The following CST3 variants were observed in gnomAD, a reference collection of about 807,000 sequenced individuals.
CST3 encodes the protein cystatin C.
In CST3, 14 loss-of-function variants were observed where a neutral mutation model predicts 9.0. The observed-to-expected ratio is 1.56, with a 90% CI of 1.03 to 2.44. CST3 has a LOEUF of 2.44. Among genes scored for constraint, CST3 ranks in the 30% most tolerant of loss-of-function variants. CST3 has a pLI of 0.00. For synonymous variants in CST3, 96 were observed against 90.2 expected, an observed-to-expected ratio of 1.06 and a Z score of -0.37; for missense variants, 237 against 204.3, an observed-to-expected ratio of 1.16 and a Z score of -0.98.
chr20:23,637,807 A>T lies in CST3; in HGVS notation c.56T>A (p.Leu19Gln), dbSNP rs113550984. The T allele has an allele frequency of 7.4e-7, 1 of 1,356,366 alleles. No individual in the cohort carries two copies. The highest frequency in any genetic ancestry group is 1.6e-5 in the African/African-American group (1 of 62,662). The allele number at this position is 1,356,366 out of a possible 1,614,324, so 84.0% of individuals were successfully genotyped here. A position where few individuals can be genotyped will look rare whatever the true frequency, so the allele number is the denominator to read the frequency against. ...GGAGCCGGCCGCGGGGCTCACGGCCAGGGCCACGGCCAGGATGGCCAGCAG... is the reference window on the plus strand; with the variant it reads ...GGAGCCGGCCGCGGGGCTCACGGCCTGGGCCACGGCCAGGATGGCCAGCAG... Reference protein sequence around the residue: ...LLLLAILAVALAVSPAAGSSP... With the variant: ...LLLLAILAVAQAVSPAAGSSP... Residue 19 changes from leucine (L) to glutamine (Q), a missense_variant, in exon 1 of 3, where the codon CTG becomes CAG. By Grantham distance (113) the Leu-to-Gln change is moderately radical. Transcript: ENST00000376925.
intron 2 of CST3, among the ~76,000 whole-genome samples, chr20:23,634,548 A>G (rs1979585138): frequency 6.6e-6 from 1 of 152,046 alleles, no homozygotes; most frequent in South Asian, 2.1e-4. Context: ...TTTGGCTGCT[A>G]ACAGGCCTCT....
At chr20:23,629,739 G>T (rs370600431), downstream of CST3, among the ~76,000 whole-genome samples, 1 of 97,920 alleles carries the variant, frequency 1.0e-5, no homozygotes, top group African/African-American at 3.9e-5. Context: ...ACTGGTGGGG[G>T]GGGGAGGGGG....
At chr20:23,635,464 G>A in intron 1 of CST3, 97 bp from the exon 2 acceptor site, 9 of 1,077,838 alleles carry the variant, frequency 8.4e-6, no homozygotes, top group Non-Finnish European at 1.3e-5. Context: ...GGGCTTGCCT[G>A]GGGCTTCAAG....
At position 23,633,716 on chromosome 20, in the gene CST3, GAGAAGCA is replaced by G; in HGVS notation, c.*193_*199del. ...TGTATGCACCGCACACCGGGGCTAT[GAGAAGCA>G]AGAAGGAAGGAGGGAGGGCAGAGCC... On this transcript the variant is annotated 3_prime_UTR_variant, in exon 3 of 3. Transcript: ENST00000376925. The G allele has an allele frequency of 1.5e-6, 1 of 667,274 alleles. No individual in the cohort carries two copies. The highest frequency in any genetic ancestry group is 2.7e-6 in the Non-Finnish European group (1 of 366,412). 41.3% of individuals were successfully genotyped at this position (667,274 alleles called of 1,614,324 possible).
chr20:23,637,870 T>C lies in CST3; in HGVS notation c.-8A>G, dbSNP rs1979764330. 2.9e-6 allele frequency: 4 copies of C among 1,377,348 alleles called. No individual in the cohort carries two copies. The African/African-American group carries it at 6.2e-5, about 21-fold the overall frequency. 85.3% of individuals were successfully genotyped at this position (1,377,348 alleles called of 1,614,324 possible). A position where few individuals can be genotyped will look rare whatever the true frequency, so the allele number is the denominator to read the frequency against. On this transcript the variant is annotated 5_prime_UTR_variant, in exon 1 of 3. Coordinates refer to ENST00000376925, the MANE Select transcript of CST3 (RefSeq NM_000099.4). ...GCGCAGGGGCCCGGCCATGGTCGGC[T>C]AGGACGCGGGACGCGGGGAGTGGGG...
intron 2 of CST3, among the ~76,000 whole-genome samples, chr20:23,634,788 T>A (rs1299789798): frequency 2.0e-5 from 3 of 152,062 alleles, no homozygotes; most frequent in African/African-American, 7.2e-5. Flanking sequence ...CCCGTCTACA[T>A]GCACACACAT....
At chr20:23,626,878 G>A (rs1163355620) in exon 4 of CST3, 1 of 152,196 alleles carries the variant, frequency 6.6e-6, no homozygotes, top group Non-Finnish European at 1.5e-5. Context: ...ACATTGGCTT[G>A]TAACTGGAGT....
At chr20:23,636,441 A>G (rs116496577) in intron 1 of CST3, among the ~76,000 whole-genome samples, 2,462 of 152,212 alleles carry the variant, frequency 0.016, 39 homozygotes, top group African/African-American at 0.039. Context: ...CAGCTGATAG[A>G]GGCAGGGTCA....
Position 23,637,626 on chromosome 20 carries a change from G to T in CST3, c.237C>A (p.Arg79=), listed in dbSNP as rs1429779251. The T allele has an allele frequency of 5.3e-6, 8 of 1,519,554 alleles. No individual in the cohort carries two copies. In the African/African-American group the frequency reaches 1.2e-4, roughly 22 times the overall value. The allele number at this position is 1,519,554 out of a possible 1,614,324, so 94.1% of individuals were successfully genotyped here. The change falls in exon 1 of 3, where the codon CGC becomes CGA. Residue 79 remains arginine (R), a synonymous_variant. Transcript: ENST00000376925. ...HSRALQVVRA[R]KQIVAGVNYF... The stretch of plus-strand genomic sequence containing the variant: ...TGCGGGGGGCGGCACGCACCTGCTT[G>T]CGGGCGCGCACCACCTGCAGCGCGC...
At position 23,633,693 on chromosome 20, in the gene CST3, T is replaced by C. The variant is rs1394885909; in HGVS notation, c.*223A>G. On this transcript the variant is annotated 3_prime_UTR_variant, in exon 3 of 3. Coordinates refer to ENST00000376925, the MANE Select transcript of CST3 (RefSeq NM_000099.4). ...TATTTTATTGCAGGAGGTGGGGGTG[T>C]ATGCACCGCACACCGGGGCTATGAG... is the stretch of plus-strand genomic sequence containing the variant. 3 of 637,626 alleles carry C rather than the reference T, an allele frequency of 4.7e-6. No individual in the cohort carries two copies. In the East Asian group the frequency reaches 8.2e-5, roughly 17 times the overall value. 39.5% of individuals were successfully genotyped at this position (637,626 alleles called of 1,614,324 possible).
At chr20:23,629,524 T>C (rs190607786), downstream of CST3, 1 of 152,314 alleles carries the variant, frequency 6.6e-6, no homozygotes, top group East Asian at 1.9e-4. Context: ...TGATCTCAAG[T>C]CCCTCACAAA....
chr20:23,632,876 G>A (rs1192968646), downstream of CST3, among the ~76,000 whole-genome samples: 1 of 152,194 alleles, frequency 6.6e-6, no homozygotes, highest in African/African-American at 2.4e-5. Flanking sequence ...GACATGAAGG[G>A]AATGTTCTCT....
downstream of CST3, chr20:23,629,260 A>C (rs1045176658): frequency 6.6e-6 from 1 of 152,214 alleles, no homozygotes; most frequent in Admixed American, 6.5e-5. Context: ...TGTTGTTGTA[A>C]GAAGGTGGGG....
Position 23,633,976 on chromosome 20 carries a change from GA to G in CST3, c.380del (p.Ile127ThrfsTer10). 6.2e-7 allele frequency: 1 copy of G among 1,614,096 alleles called. No individual in the cohort carries two copies. Among genetic ancestry groups the G allele is most frequent in the Non-Finnish European group, 8.5e-7 (1 of 1,179,970 alleles). On this transcript the variant is annotated frameshift_variant, in exon 3 of 3. Coordinates refer to ENST00000376925, the MANE Select transcript of CST3 (RefSeq NM_000099.4). LOFTEE classifies it low-confidence loss of function (END_TRUNC). ...LKRKAFCSFQIYAVPWQGTMT... is the reference protein window; with the variant it reads ...LKRKAFCSFQXYAVPWQGTMT... ...TTGTGCCCTGCCAAGGCACAGCGTA[GA>G]TCTGGAAAGAGCAGAATGCTTTCTG...
Position 23,637,820 on chromosome 20 carries a change from G to A in CST3, c.43C>T (p.Leu15=). Residue 15 remains leucine, a synonymous_variant, in exon 1 of 3, where the codon CTG becomes TTG. Transcript: ENST00000376925. ...LRAPLLLLAI[L]AVALAVSPAA... ...GGGCTCACGGCCAGGGCCACGGCCA[G>A]GATGGCCAGCAGGAGCAGCGGGGCG... 1 of 1,450,778 alleles carries A rather than the reference G, an allele frequency of 6.9e-7. No homozygotes were observed. The highest frequency in any genetic ancestry group is 1.3e-5 in the South Asian group (1 of 77,320). The allele number at this position is 1,450,778 out of a possible 1,614,324, so 89.9% of individuals were successfully genotyped here.
At chr20:23,636,303 C>A (rs1411390146) in intron 1 of CST3, among the ~76,000 whole-genome samples, 1 of 152,228 alleles carries the variant, frequency 6.6e-6, no homozygotes, top group East Asian at 1.9e-4. Flanking sequence ...GTCTGTGTCA[C>A]TGTTCGCTGC....
chr20:23,628,056 T>A (rs1267895895), exon 4 of CST3: 3 of 152,006 alleles, frequency 2.0e-5, no homozygotes, highest in Admixed American at 2.0e-4. Context: ...TGTGTGTTGT[T>A]TTTTTTTGTT....
downstream of CST3, chr20:23,633,638 A>G (rs1311152235): frequency 1.7e-6 from 1 of 581,884 alleles, no homozygotes; most frequent in South Asian, 2.0e-5. Context: ...ATCCCCAGAC[A>G]GCCAAGAACT....
rs1178398385 is a variant in CST3, at chr20:23,635,288, T to C, written c.323A>G (p.Asn108Ser). 6.2e-7 allele frequency: 1 copy of C among 1,613,898 alleles called. No homozygotes were observed. Among genetic ancestry groups the C allele is most frequent in the Non-Finnish European group, 8.5e-7 (1 of 1,180,002 alleles). ...ATGTGGCTGGTCATGGAAGGGGCAG[T>C]TGTCCAAGTTGGGCTGGGTCTTGGT... Reference protein sequence around the residue: ...TCTKTQPNLDNCPFHDQPHLK... With the variant: ...TCTKTQPNLDSCPFHDQPHLK... Residue 108 changes from asparagine (N) to serine (S), a missense_variant, in exon 2 of 3, where the codon AAC becomes AGC. Coordinates refer to ENST00000376925, the MANE Select transcript of CST3 (RefSeq NM_000099.4).
Sources: gnomAD v4.1 joint callset for allele counts (sites outside exome capture counted in the v4.1 genomes callset) on GRCh38, gnomAD v4.1.1 for gene constraint, MANE v1.5 for transcripts, NCBI Gene and HGNC (gene_info 2026-07-23, HGNC 2026-07-21) for gene names.